Variants in SASH1 observed in about 807,000 individuals in gnomAD.
The protein encoded by SASH1 is SAM and SH3 domain-containing protein 1.
Under a neutral mutation model 125.2 loss-of-function variants are expected in SASH1, and 44 were observed. The observed-to-expected ratio is 0.35, with a 90% CI of 0.28 to 0.45. The LOEUF (loss-of-function observed/expected upper bound fraction) is 0.45, where lower values mean the gene tolerates loss of function less well. SASH1 is among the 20% of genes least tolerant of loss of function. The pLI, the probability that SASH1 is intolerant of heterozygous loss-of-function variation, is 1.00. For synonymous variants in SASH1, 639 were observed against 649.1 expected (o/e 0.98, Z 0.24); for missense variants, 1,426 against 1,614.5 (o/e 0.88, Z 2.00).
At chr6:148,494,604 C>T (rs767069773) in intron 8 of SASH1, among the ~76,000 whole-genome samples, 85 of 152,034 alleles carry the variant, frequency 5.6e-4, no homozygotes, top group Non-Finnish European at 9.6e-4. Context: ...TCCAGCCTGG[C>T]GACAGAACAA....
At chr6:148,370,050 C>A (rs1251381335) in intron 1 of SASH1, among the ~76,000 whole-genome samples, 3 of 139,936 alleles carry the variant, frequency 2.1e-5, no homozygotes, top group Non-Finnish European at 4.7e-5. Flanking sequence ...AAAAAAAATT[C>A]TCAAAATAGA....
chr6:148,337,049 TA>T, intron 1 of SASH1, among the ~76,000 whole-genome samples: 4 of 152,280 alleles, frequency 2.6e-5, no homozygotes, highest in Admixed American at 2.6e-4. Flanking sequence ...GGCCCACAGT[TA>T]AGAACAAGTT....
chr6:148,318,916 C>T (rs1474847250), intron 1 of SASH1, among the ~76,000 whole-genome samples: 1 of 151,304 alleles, frequency 6.6e-6, no homozygotes, highest in Non-Finnish European at 1.5e-5. Context: ...ATATTTTATA[C>T]GGTTTTAACA....
At chr6:148,446,262 T>C (rs1486763187) in intron 4 of SASH1, among the ~76,000 whole-genome samples, 17 of 151,932 alleles carry the variant, frequency 1.1e-4, no homozygotes, top group South Asian at 4.2e-4. Context: ...GTGCCCGCCA[T>C]CATGCCCAGC....
intron 2 of SASH1, among the ~76,000 whole-genome samples, chr6:148,429,755 C>A (rs1481653151): frequency 1.4e-5 from 2 of 144,292 alleles, no homozygotes; most frequent in South Asian, 2.2e-4. Context: ...TAAAAAAAAA[C>A]AAAAACAAAC....
the SASH1 span, among the ~76,000 whole-genome samples, chr6:148,244,580 A>T: frequency 1.3e-5 from 2 of 152,150 alleles, no homozygotes; most frequent in South Asian, 4.1e-4. Flanking sequence ...AGGCAGAGGA[A>T]GGTACACATT....
At chr6:148,436,751 T>C (rs769513916) in intron 2 of SASH1, among the ~76,000 whole-genome samples, 14 of 152,150 alleles carry the variant, frequency 9.2e-5, no homozygotes, top group Non-Finnish European at 1.9e-4. Context: ...CCAAACACTG[T>C]AGAGCAGAGC....
chr6:148,411,822 G>C (rs1481316651), intron 2 of SASH1, among the ~76,000 whole-genome samples: 2 of 152,200 alleles, frequency 1.3e-5, no homozygotes, highest in Non-Finnish European at 2.9e-5. Flanking sequence ...GAGATTACAG[G>C]CGTGAGCCAC....
At chr6:148,446,891 C>A (rs1317882044) in intron 4 of SASH1, among the ~76,000 whole-genome samples, 4 of 152,196 alleles carry the variant, frequency 2.6e-5, no homozygotes, top group African/African-American at 7.2e-5. Flanking sequence ...CAGTTAAGAA[C>A]CCATAACCCT....
At chr6:148,468,045 C>A (rs909799089) in intron 4 of SASH1, among the ~76,000 whole-genome samples, 1 of 152,196 alleles carries the variant, frequency 6.6e-6, no homozygotes, top group South Asian at 2.1e-4. Context: ...GTGTACTGGC[C>A]GCCCCCTTTA....
At position 148,529,797 on chromosome 6, in the gene SASH1, G is replaced by GT. The variant is rs774633309; in HGVS notation, c.1429-1719dup. Among the ~76,000 whole-genome samples, 349 of 145,642 alleles carry GT rather than the reference G, an allele frequency of 2.4e-3. 1 individual carries two copies. The East Asian group carries it at 0.027, about 11-fold the overall frequency. On this transcript the variant is annotated intron_variant, in intron 12 of 19. Transcript: ENST00000367467. This position sits in a 1 kb window ranked among gnomAD's most constrained non-coding sequence, Gnocchi z 4.2. ...AAATAATGGAAGGTTTTATGTGGTT[G>GT]TTTTTTTTTTGTTTTTGTTTTTGTT...
At chr6:148,363,264 A>G (rs1428601501) in intron 1 of SASH1, among the ~76,000 whole-genome samples, 1 of 152,178 alleles carries the variant, frequency 6.6e-6, no homozygotes, top group Non-Finnish European at 1.5e-5. Flanking sequence ...GGCGGTGGAT[A>G]GTGTTAGGGA....
At chr6:148,545,855 C>T (rs762251105) in intron 18 of SASH1, among the ~76,000 whole-genome samples, 160 bp from the exon 19 acceptor site, 3 of 152,266 alleles carry the variant, frequency 2.0e-5, no homozygotes, top group Admixed American at 6.5e-5. Flanking sequence ...GCGAGAAGAT[C>T]GCTTGAGCCC....
chr6:148,431,877 G>T (rs1451586983), intron 2 of SASH1, among the ~76,000 whole-genome samples: 2 of 151,922 alleles, frequency 1.3e-5, no homozygotes, highest in Non-Finnish European at 2.9e-5. Flanking sequence ...TCCTTTAAAA[G>T]GTGAGAAATA....
At chr6:148,259,582 A>G in the SASH1 span, among the ~76,000 whole-genome samples, 1 of 152,168 alleles carries the variant, frequency 6.6e-6, no homozygotes, top group Non-Finnish European at 1.5e-5. Context: ...TGCCCCGGGA[A>G]GGCAGGGCTA....
chr6:148,417,296 T>C (rs1456967282), intron 2 of SASH1, among the ~76,000 whole-genome samples: 1 of 152,102 alleles, frequency 6.6e-6, no homozygotes, highest in Non-Finnish European at 1.5e-5. Context: ...GTTAAGAGTG[T>C]GTATCCCTGG....
the SASH1 span, among the ~76,000 whole-genome samples, chr6:148,210,932 A>C: frequency 6.6e-6 from 1 of 152,204 alleles, no homozygotes; most frequent in African/African-American, 2.4e-5. Context: ...TCAGTGTATA[A>C]AATTTAAAGT....
rs573383431 is a variant in SASH1 at position 148,541,622 on chromosome 6, G to A, written c.2209+1066G>A. 2.0e-5 allele frequency among the ~76,000 whole-genome samples: 3 copies of A among 152,096 alleles called. No individual in the cohort carries two copies. The South Asian group carries it at 6.2e-4, about 32-fold the overall frequency. ...AAAAAATAGTTTGAGAGCCATTGTG[G>A]GTACCAAAACTAGGGCTAAGGACAG... On this transcript the variant is annotated intron_variant, in intron 17 of 19. Transcript: ENST00000367467.
chr6:148,431,087 C>T (rs962715782), intron 2 of SASH1, among the ~76,000 whole-genome samples: 3 of 152,032 alleles, frequency 2.0e-5, no homozygotes, highest in African/African-American at 4.8e-5. Flanking sequence ...AGCTGTGAGG[C>T]GAAGGACTAC....
Sources: allele counts gnomAD v4.1 joint callset (sites outside exome capture counted in the v4.1 genomes callset), GRCh38; gene constraint gnomAD v4.1.1; non-coding constraint Gnocchi (gnomAD v3.1); transcripts MANE v1.5; gene names NCBI Gene and HGNC (gene_info 2026-07-23, HGNC 2026-07-21).